The following PGPEP1L variants were observed in gnomAD, a reference collection of about 807,000 sequenced individuals.
PGPEP1L encodes pyroglutamyl-peptidase 1-like protein.
In PGPEP1L, 7 loss-of-function variants were observed where a neutral mutation model predicts 6.0. The ratio of observed to expected loss-of-function variants is 1.17; its 90% CI spans 0.66 to 2.19. The LOEUF is 2.19. PGPEP1L is among the 30% of genes most tolerant of loss of function. The pLI is 0.00. For synonymous variants in PGPEP1L, 103 were observed against 83.9 expected, an observed-to-expected ratio of 1.23 and a Z score of -1.24; for missense variants, 209 against 192.5, an observed-to-expected ratio of 1.09 and a Z score of -0.51.
At chr15:98,981,371 T>C (rs796786723) in intron 2 of PGPEP1L, among the ~76,000 whole-genome samples, 6 of 151,118 alleles carry the variant, frequency 4.0e-5, no homozygotes, top group African/African-American at 1.5e-4. Context: ...GCGCCTGTAG[T>C]CCCAGCTACT....
At chr15:98,979,441 T>C (rs1349771255) in intron 2 of PGPEP1L, among the ~76,000 whole-genome samples, 1 of 152,096 alleles carries the variant, frequency 6.6e-6, no homozygotes, top group East Asian at 1.9e-4. Context: ...GACTTCTATA[T>C]ATAAGTAGTG....
At chr15:99,006,599 T>C (rs1555473663) in intron 1 of PGPEP1L, among the ~76,000 whole-genome samples, 1 of 152,112 alleles carries the variant, frequency 6.6e-6, no homozygotes, top group African/African-American at 2.4e-5. Context: ...GAGGCCAAGG[T>C]AGGAGGATAG....
intron 2 of PGPEP1L, among the ~76,000 whole-genome samples, chr15:98,978,752 G>A (rs1423236136): frequency 2.6e-5 from 3 of 115,690 alleles, no homozygotes; most frequent in Non-Finnish European, 5.0e-5. Context: ...TTTTTTTGAG[G>A]CACAGTCTTG....
chr15:98,976,091 A>T (rs2017565535), intron 2 of PGPEP1L, among the ~76,000 whole-genome samples: 1 of 152,176 alleles, frequency 6.6e-6, no homozygotes, highest in Admixed American at 6.5e-5. Context: ...GGTTATTGTT[A>T]ATGAACACAG....
intron 2 of PGPEP1L, among the ~76,000 whole-genome samples, chr15:98,977,773 C>T (rs538512107): frequency 6.6e-6 from 1 of 152,322 alleles, no homozygotes; most frequent in South Asian, 2.1e-4. Flanking sequence ...GTACTGAAAT[C>T]GTTGACTATT....
At chr15:98,980,963 G>T (rs2017650242) in intron 2 of PGPEP1L, among the ~76,000 whole-genome samples, 1 of 151,354 alleles carries the variant, frequency 6.6e-6, no homozygotes, top group Non-Finnish European at 1.5e-5. Context: ...TTAACTGTAT[G>T]GTAGAGAGGC....
At chr15:98,977,379 A>G (rs565371718) in intron 2 of PGPEP1L, among the ~76,000 whole-genome samples, 42 of 152,258 alleles carry the variant, frequency 2.8e-4, no homozygotes, top group African/African-American at 9.4e-4. Context: ...TTTCCCTCTG[A>G]TATGTTTTAA....
intron 2 of PGPEP1L, among the ~76,000 whole-genome samples, chr15:98,996,206 C>T (rs949697498): frequency 2.1e-4 from 32 of 152,140 alleles, no homozygotes; most frequent in African/African-American, 7.2e-4. Context: ...TAGTTTGCTT[C>T]TCTGTATATT....
At chr15:98,982,327 A>T (rs151100209) in intron 2 of PGPEP1L, among the ~76,000 whole-genome samples, 293 of 151,924 alleles carry the variant, frequency 1.9e-3, no homozygotes, top group African/African-American at 6.8e-3. Context: ...CCATGGACTC[A>T]CACAGTCCCC....
intron 2 of PGPEP1L, among the ~76,000 whole-genome samples, chr15:98,990,118 T>C (rs1262149562): frequency 1.3e-5 from 2 of 152,108 alleles, no homozygotes; most frequent in Admixed American, 1.3e-4. Context: ...CAGGATCAAA[T>C]TCACACATAA....
intron 3 of PGPEP1L, 81 bp from the exon 4 acceptor site, chr15:98,969,732 C>G: frequency 7.1e-7 from 1 of 1,417,648 alleles, no homozygotes; most frequent in East Asian, 2.3e-5. Context: ...GGGGCCACTC[C>G]TTTTGAGAGC....
chr15:98,992,286 G>T (rs975021254), intron 2 of PGPEP1L, among the ~76,000 whole-genome samples: 1 of 152,146 alleles, frequency 6.6e-6, no homozygotes, highest in African/African-American at 2.4e-5. Context: ...AAATTTACAA[G>T]CATTCCTATA....
At chr15:99,000,101 G>A (rs1421849966) in intron 2 of PGPEP1L, among the ~76,000 whole-genome samples, 9 of 152,244 alleles carry the variant, frequency 5.9e-5, no homozygotes, top group Admixed American at 5.2e-4. Context: ...GGGCCAGCGC[G>A]AATTCCGGGT....
intron 2 of PGPEP1L, among the ~76,000 whole-genome samples, chr15:98,981,447 A>G (rs1380082618): frequency 1.8e-4 from 27 of 148,120 alleles, no homozygotes; most frequent in Admixed American, 2.8e-4. Context: ...CCGAGATCGC[A>G]CCACTGCACT....
At chr15:99,002,677 GCCT>G (rs1310358659) in intron 2 of PGPEP1L, among the ~76,000 whole-genome samples, 29 of 152,138 alleles carry the variant, frequency 1.9e-4, no homozygotes, top group African/African-American at 7.0e-4. Flanking sequence ...AAAGTGTGTG[GCCT>G]CCTGTGTGGG....
At chr15:98,969,703 G>A (rs1190460026) in intron 3 of PGPEP1L, 52 bp from the exon 4 acceptor site, 31 of 1,572,492 alleles carry the variant, frequency 2.0e-5, no homozygotes, top group Non-Finnish European at 2.7e-5. Context: ...GGCCCACCCT[G>A]CTCACCAAAT....
Sources: gnomAD v4.1 joint callset for allele counts (sites outside exome capture counted in the v4.1 genomes callset) on GRCh38, gnomAD v4.1.1 for gene constraint, MANE v1.5 for transcripts, NCBI Gene and HGNC (gene_info 2026-07-23, HGNC 2026-07-21) for gene names.